The following WIPF1 variants were observed in gnomAD, a reference collection of about 807,000 sequenced individuals.
The protein encoded by WIPF1 is WAS/WASL interacting protein family member 1, also known as WAS/WASL-interacting protein family member 1.
A neutral mutation model predicts 35.4 loss-of-function variants in WIPF1; 13 were observed. The observed-to-expected ratio is 0.37, with a 90% confidence interval of 0.24 to 0.58. The LOEUF is 0.58. WIPF1 is among the 20% of genes least tolerant of loss of function. WIPF1 has a pLI of 0.74. For missense variants in WIPF1, 591 were observed against 667.0 expected (o/e 0.89, Z 1.25); for synonymous variants, 267 against 266.3 (o/e 1.00, Z -0.02).
upstream of WIPF1, among the ~76,000 whole-genome samples, chr2:174,599,764 G>T (rs1191900140): frequency 6.6e-6 from 1 of 151,114 alleles, no homozygotes; most frequent in Non-Finnish European, 1.5e-5. Flanking sequence ...AGTTCTCTAA[G>T]TAAGACACCC....
At chr2:174,633,013 A>G (rs1687074885) in intron 1 of WIPF1, among the ~76,000 whole-genome samples, 1 of 152,194 alleles carries the variant, frequency 6.6e-6, no homozygotes, top group South Asian at 2.1e-4. Context: ...GCATTTGTGC[A>G]AAGGGCTCCA....
chr2:174,666,960 C>T (rs753746480), intron 1 of WIPF1, among the ~76,000 whole-genome samples: 1 of 152,244 alleles, frequency 6.6e-6, no homozygotes, highest in African/African-American at 2.4e-5. Context: ...TGACTAAGAA[C>T]AATGTCCCAT....
At chr2:174,663,908 G>A (rs976903934) in intron 1 of WIPF1, among the ~76,000 whole-genome samples, 10 of 152,198 alleles carry the variant, frequency 6.6e-5, no homozygotes, top group African/African-American at 1.9e-4. Flanking sequence ...GCCATAGAGC[G>A]TTGGAGCCAA....
chr2:174,677,815 A>G (rs553437904), intron 1 of WIPF1, among the ~76,000 whole-genome samples: 2 of 152,352 alleles, frequency 1.3e-5, no homozygotes, highest in South Asian at 2.1e-4. Flanking sequence ...ATACGAAAGG[A>G]AAGTGCAGTT....
At chr2:174,679,627 T>C (rs146709211) in intron 1 of WIPF1, among the ~76,000 whole-genome samples, 11 of 152,170 alleles carry the variant, frequency 7.2e-5, no homozygotes, top group Non-Finnish European at 1.5e-4. Flanking sequence ...CACAGACTTA[T>C]AGAATCACAC....
intron 1 of WIPF1, chr2:174,673,699 G>A (rs1335168347): frequency 6.6e-6 from 1 of 152,126 alleles, no homozygotes; most frequent in Non-Finnish European, 1.5e-5. Flanking sequence ...TCTTTCAGGG[G>A]ACACTGATCT....
At chr2:174,675,899 G>GATTTCTTT (rs1688118567) in intron 1 of WIPF1, among the ~76,000 whole-genome samples, 1 of 150,398 alleles carries the variant, frequency 6.6e-6, no homozygotes, top group Non-Finnish European at 1.5e-5. Context: ...TGAAGGCGTG[G>GATTTCTTT]GGAAGAGATG....
chr2:174,646,698 C>T (rs1687416194), intron 1 of WIPF1, among the ~76,000 whole-genome samples: 2 of 152,088 alleles, frequency 1.3e-5, no homozygotes, highest in African/African-American at 4.8e-5. Context: ...CTCATTGCAA[C>T]CTCCACCTCC....
chr2:174,682,403 A>T (rs991388275), intron 1 of WIPF1, among the ~76,000 whole-genome samples: 39 of 152,124 alleles, frequency 2.6e-4, no homozygotes, highest in Non-Finnish European at 4.9e-4. Context: ...ATCGCCGCGA[A>T]GCCCCTGCTC....
chr2:174,592,914 A>G (rs1304478945), intron 1 of WIPF1, among the ~76,000 whole-genome samples: 3 of 151,928 alleles, frequency 2.0e-5, no homozygotes, highest in African/African-American at 4.8e-5. Flanking sequence ...ACTCATTTAT[A>G]TTTTACTTTA....
intron 1 of WIPF1, among the ~76,000 whole-genome samples, chr2:174,636,606 C>G (rs1687186738): frequency 6.6e-6 from 1 of 152,170 alleles, no homozygotes; most frequent in Admixed American, 6.5e-5. Context: ...TCCAGGAGCC[C>G]ATCCAGGACT....
intron 3 of WIPF1, 98 bp downstream of exon 3, chr2:174,581,211 CA>C: frequency 1.0e-5 from 15 of 1,503,730 alleles, no homozygotes; most frequent in Non-Finnish European, 1.3e-5. Context: ...TGTTGTTAAC[CA>C]AAAAATAAAA....
intron 1 of WIPF1, among the ~76,000 whole-genome samples, chr2:174,642,670 G>A (rs1235704999): frequency 7.0e-6 from 1 of 142,004 alleles, no homozygotes; most frequent in Admixed American, 6.8e-5. Flanking sequence ...TTGTTGTTGA[G>A]ACTGGGTCTC....
rs1685864865 is a variant in WIPF1 at position 174,597,645 on chromosome 2, AC to A, written c.-84del. 1 of 152,678 alleles carries A rather than the reference AC, an allele frequency of 6.5e-6. No individual in the cohort carries two copies. The highest frequency in any genetic ancestry group is 1.5e-5 in the Non-Finnish European group (1 of 68,046). 9.5% of individuals were successfully genotyped at this position (152,678 alleles called of 1,614,324 possible). ...GAGCCATGGTCAGGGACACAGGCAG[AC>A]AGAGGGCCAGCGGGACAGGAGCCAA... On this transcript the variant is annotated 5_prime_UTR_variant, in exon 1 of 8. It introduces an in-frame stop codon into an upstream open reading frame of the 5' UTR. Transcript: ENST00000679041.
Position 174,571,395 on chromosome 2 carries a change from G to A in WIPF1, c.1129+281C>T, listed in dbSNP as rs1684828074. ...TGGCAAGTACACTTCAGAGATGGAA[G>A]ATGAAAGTTCTTGCCTCTTCTTTAT... is the stretch of plus-strand genomic sequence containing the variant. On this transcript the variant is annotated intron_variant, in intron 5 of 7. Transcript: ENST00000679041. The surrounding 1 kb of genome is among the most constrained non-coding windows in gnomAD (Gnocchi z 4.6). 1.6e-6 allele frequency: 1 copy of A among 607,344 alleles called. No homozygotes were observed. Among genetic ancestry groups the A allele is most frequent in the Non-Finnish European group, 2.9e-6 (1 of 342,558 alleles). 37.6% of individuals were successfully genotyped at this position (607,344 alleles called of 1,614,324 possible). A position where few individuals can be genotyped will look rare whatever the true frequency, so the allele number is the denominator to read the frequency against.
At chr2:174,576,952 T>G (rs1460645852) in intron 3 of WIPF1, among the ~76,000 whole-genome samples, 5 of 152,174 alleles carry the variant, frequency 3.3e-5, no homozygotes, top group Admixed American at 3.3e-4. Context: ...CAAATTAATC[T>G]GGGAGAACTG....
In WIPF1 at chr2:174,584,896, C is replaced by T. The variant is rs12616269; in HGVS notation, c.51+627G>A. ...TTGCACTCCAGCCTGGGTGACAGAG[C>T]GAGACTCAAAAAAAAAAAAAAGACC... On this transcript the variant is annotated intron_variant, in intron 2 of 7. Transcript: ENST00000679041. Among the ~76,000 whole-genome samples the T allele has an allele frequency of 0.01, 1,324 of 130,224 alleles. 72 individuals are homozygous for T. The East Asian group carries it at 0.15, about 15-fold the overall frequency. The allele number at this position is 130,224 out of a possible 152,430, so 85.4% of individuals were successfully genotyped here.
chr2:174,597,891 A>C (rs1282810461), upstream of WIPF1: 1 of 152,656 alleles, frequency 6.6e-6, no homozygotes, highest in Non-Finnish European at 1.5e-5. Context: ...GGTTTTGCTT[A>C]AGAAGCAAGC....
At chr2:174,634,273 T>C (rs1687115887) in intron 1 of WIPF1, among the ~76,000 whole-genome samples, 1 of 152,234 alleles carries the variant, frequency 6.6e-6, no homozygotes, top group Non-Finnish European at 1.5e-5. Flanking sequence ...GAAGTTTTGT[T>C]CTTTCAGAAG....
Sources: allele counts gnomAD v4.1 joint callset (sites outside exome capture counted in the v4.1 genomes callset), GRCh38; gene constraint gnomAD v4.1.1; non-coding constraint Gnocchi (gnomAD v3.1); transcripts MANE v1.5; gene names NCBI Gene and HGNC (gene_info 2026-07-23, HGNC 2026-07-21).